ANGPTL3: variants seen among roughly 807,000 people sequenced by gnomAD.
ANGPTL3 encodes angiopoietin-related protein 3.
In ANGPTL3, 51 loss-of-function variants were observed where a neutral mutation model predicts 52.7. That is an observed-to-expected ratio of 0.97 (90% confidence interval 0.77 to 1.22). ANGPTL3 has a LOEUF of 1.22. Among genes scored for constraint, ANGPTL3 ranks in the 50% most tolerant of loss-of-function variants. The pLI is 0.00. For synonymous variants in ANGPTL3, 185 were observed against 179.8 expected, an observed-to-expected ratio of 1.03 and a Z score of -0.23; for missense variants, 506 against 520.7, an observed-to-expected ratio of 0.97 and a Z score of 0.27.
At chr1:62,599,801 C>T (rs367866363) in intron 2 of ANGPTL3, among the ~76,000 whole-genome samples, 3 of 151,952 alleles carry the variant, frequency 2.0e-5, no homozygotes, top group East Asian at 1.9e-4. Flanking sequence ...AATTAATCTA[C>T]AATGTAAACA....
chr1:62,598,921 A>G (rs931902610), intron 2 of ANGPTL3, 115 bp downstream of exon 2: 6 of 702,262 alleles, frequency 8.5e-6, no homozygotes, highest in Non-Finnish European at 1.5e-5. Flanking sequence ...TCACATCAGC[A>G]TAACTGTTAA....
At chr1:62,602,152 T>C in intron 4 of ANGPTL3, 133 bp from the exon 5 acceptor site, 1 of 751,340 alleles carries the variant, frequency 1.3e-6, no homozygotes, top group Non-Finnish European at 2.1e-6. Context: ...TAATAAATAA[T>C]AAAATGTATT....
At chr1:62,603,228 T>C (rs570490399) in intron 5 of ANGPTL3, among the ~76,000 whole-genome samples, 8 of 151,608 alleles carry the variant, frequency 5.3e-5, no homozygotes, top group Non-Finnish European at 8.9e-5. Flanking sequence ...AGCAACCCAT[T>C]TGTACTTGTA....
At chr1:62,599,138 C>G (rs1407005515) in intron 2 of ANGPTL3, among the ~76,000 whole-genome samples, 1 of 152,036 alleles carries the variant, frequency 6.6e-6, no homozygotes, top group Non-Finnish European at 1.5e-5. Context: ...CAAATTAGAT[C>G]ATGTTTCTCT....
intron 2 of ANGPTL3, 22 bp downstream of exon 2, chr1:62,598,828 A>G: frequency 7.1e-7 from 1 of 1,404,094 alleles, no homozygotes; most frequent in Non-Finnish European, 1.0e-6. Context: ...TTTTAATGGT[A>G]TGTCCCATCT....
chr1:62,601,012 C>T (rs2149533522), intron 2 of ANGPTL3, 70 bp from the exon 3 acceptor site: 1 of 903,180 alleles, frequency 1.1e-6, no homozygotes, highest in Non-Finnish European at 1.9e-6. Context: ...CTTCTGACAT[C>T]CTTACTCAGA....
intron 5 of ANGPTL3, 104 bp from the exon 6 acceptor site, chr1:62,603,865 A>T (rs1386043033): frequency 2.7e-6 from 3 of 1,095,690 alleles, no homozygotes; most frequent in East Asian, 2.4e-5. Context: ...GGGATTCAAG[A>T]CTAAACAACT....
At position 62,604,706 on chromosome 1, in the gene ANGPTL3, T is replaced by C. The variant is rs766993553; in HGVS notation, c.1272T>C (p.Ser424=). ...AATATAACAAACCAAGAGCAAAATC[T>C]AAGCCAGAGAGGAGAAGAGGATTAT... ...NGKYNKPRAK[S]KPERRRGLSW... The change falls in exon 7 of 7, where the codon TCT becomes TCC. Residue 424 remains serine (S), a synonymous_variant. Transcript: ENST00000371129. 1 of 1,613,252 alleles carries C rather than the reference T, an allele frequency of 6.2e-7. No individual in the cohort carries two copies. The highest frequency in any genetic ancestry group is 8.5e-7 in the Non-Finnish European group (1 of 1,179,468).
Position 62,597,827 on chromosome 1 carries a change from G to T in ANGPTL3, c.261G>T (p.Leu87=), listed in dbSNP as rs376010812. ...ATCAGTCTTTTTATGATCTATCGCTGCAAACCAGTGAAATCAAAGAAGAAG... is the reference window on the plus strand; with the variant it reads ...ATCAGTCTTTTTATGATCTATCGCTTCAAACCAGTGAAATCAAAGAAGAAG... ...IFDQSFYDLS[L]QTSEIKEEEK... Residue 87 remains leucine (L), a synonymous_variant, in exon 1 of 7, where the codon CTG becomes CTT. Coordinates refer to ENST00000371129, the MANE Select transcript of ANGPTL3 (RefSeq NM_014495.4). 10 of 1,609,066 alleles carry T rather than the reference G, an allele frequency of 6.2e-6. No individual in the cohort carries two copies. Among genetic ancestry groups the T allele is most frequent in the Non-Finnish European group, 8.5e-6 (10 of 1,177,954 alleles).
rs1380977498 is a variant in ANGPTL3 at position 62,601,339 on chromosome 1, T to C, written c.721+143T>C. ...CTAAACTGGATGCTGGGGTTCTTTT[T>C]ACACCCTATAAAAGACATACCTAAG... On this transcript the variant is annotated intron_variant, in intron 3 of 6. Coordinates refer to ENST00000371129, the MANE Select transcript of ANGPTL3 (RefSeq NM_014495.4). 3 of 652,828 alleles carry C rather than the reference T, an allele frequency of 4.6e-6. No individual in the cohort carries two copies. In the East Asian group the frequency reaches 8.3e-5, roughly 18 times the overall value. 40.4% of individuals were successfully genotyped at this position (652,828 alleles called of 1,614,324 possible).
chr1:62,601,288 A>C (rs1006595857), intron 3 of ANGPTL3, 92 bp downstream of exon 3: 12 of 905,044 alleles, frequency 1.3e-5, no homozygotes, highest in African/African-American at 3.3e-5. Flanking sequence ...TAGTTAAGAG[A>C]TATCCATCAA....
Position 62,604,617 on chromosome 1 carries a change from T to A in ANGPTL3, c.1199-16T>A. 3 of 1,612,074 alleles carry A rather than the reference T, an allele frequency of 1.9e-6. No homozygotes were observed. Among genetic ancestry groups the A allele is most frequent in the African/African-American group, 1.3e-5 (1 of 74,958 alleles). On this transcript the variant is annotated splice_polypyrimidine_tract_variant and intron_variant, in intron 6 of 6. Transcript: ENST00000371129. ...ACGAGTCTGTACCCATTAAATTGCA[T>A]ATCTATCTCCTTTAGGAGGCTGGTG...
chr1:62,601,305 T>A, intron 3 of ANGPTL3, 109 bp downstream of exon 3: 4 of 789,868 alleles, frequency 5.1e-6, no homozygotes, highest in Non-Finnish European at 8.7e-6. Context: ...TCAAATACAA[T>A]GTATCAACCT....
chr1:62,603,718 A>G (rs1179243840), intron 5 of ANGPTL3, among the ~76,000 whole-genome samples: 2 of 151,986 alleles, frequency 1.3e-5, no homozygotes, highest in South Asian at 2.1e-4. Flanking sequence ...CTGGTGAAAC[A>G]TGTCTTGTCA....
rs1426889742 is a variant in ANGPTL3, at chr1:62,597,902, G to A, written c.336G>A (p.Glu112=). 15 of 1,566,292 alleles carry A rather than the reference G, an allele frequency of 9.6e-6. No homozygotes were observed. The highest frequency in any genetic ancestry group is 4.5e-5 in the East Asian group (2 of 44,496). ...ATAAACTACAAGTCAAAAATGAAGA[G>A]GTAAAGAATATGTCACTTGAACTCA... is the stretch of plus-strand genomic sequence containing the variant. The part of the protein sequence containing the change: ...TTYKLQVKNE[E]VKNMSLELNS... The change falls in exon 1 of 7, where the codon GAG becomes GAA. Residue 112 remains glutamate (E), a synonymous_variant. Coordinates refer to ENST00000371129, the MANE Select transcript of ANGPTL3 (RefSeq NM_014495.4).
At chr1:62,603,767 T>C (rs749023824) in intron 5 of ANGPTL3, among the ~76,000 whole-genome samples, 7 of 151,926 alleles carry the variant, frequency 4.6e-5, no homozygotes, top group Non-Finnish European at 7.4e-5. Context: ...TTCAGTTATA[T>C]TAATATTTTT....
intron 4 of ANGPTL3, 21 bp from the exon 5 acceptor site, chr1:62,602,264 G>T: frequency 6.4e-7 from 1 of 1,564,054 alleles, no homozygotes; most frequent in Non-Finnish European, 8.8e-7. Flanking sequence ...AAAAATACAT[G>T]ATTTCATTCA....
Position 62,604,109 on chromosome 1 carries a change from T to C in ANGPTL3, c.1072T>C (p.Tyr358His), listed in dbSNP as rs771311900. The change falls in exon 6 of 7, where the codon TAT (tyrosine) becomes CAT (histidine). Residue 358 changes from tyrosine (Y) to histidine (H), a missense_variant. Coordinates refer to ENST00000371129, the MANE Select transcript of ANGPTL3 (RefSeq NM_014495.4). ...SFYLGNHETN[Y>H]TLHLVAITGN... ...TTACTTGGGAAATCACGAAACCAAC[T>C]ATACGCTACATCTAGTTGCGATTAC... 6 of 1,613,464 alleles carry C rather than the reference T, an allele frequency of 3.7e-6. No individual in the cohort carries two copies. Among genetic ancestry groups the C allele is most frequent in the Admixed American group, 1.7e-5 (1 of 59,960 alleles).
chr1:62,598,041 C>A lies in ANGPTL3; in HGVS notation c.475C>A (p.Pro159Thr). 6.3e-7 allele frequency: 1 copy of A among 1,585,220 alleles called. No homozygotes were observed. The highest frequency in any genetic ancestry group is 2.3e-5 in the East Asian group (1 of 44,354). Residue 159 changes from proline (P) to threonine (T), a missense_variant, in exon 1 of 7, where the codon CCA becomes ACA. Transcript: ENST00000371129. ...AAATCAACCTGAAACTCCAGAACAC[C>A]CAGAAGTAACTTCACTTAAAGTAAG... ...IQNQPETPEHPEVTSLKTFVE... is the reference protein window; with the variant it reads ...IQNQPETPEHTEVTSLKTFVE...
Sources: allele counts gnomAD v4.1 joint callset (sites outside exome capture counted in the v4.1 genomes callset), GRCh38; gene constraint gnomAD v4.1.1; transcripts MANE v1.5; gene names NCBI Gene and HGNC (gene_info 2026-07-23, HGNC 2026-07-21).